The following CORIN variants were observed in gnomAD, a reference collection of about 807,000 sequenced individuals.
The protein encoded by CORIN is corin, serine peptidase, also known as atrial natriuretic peptide-converting enzyme.
CORIN carries 117 observed loss-of-function variants against 125.3 expected under a neutral mutation model. That is an observed-to-expected ratio of 0.93 (90% CI 0.80 to 1.09). The LOEUF is 1.09. CORIN is among the 50% of genes least tolerant of loss of function. The pLI, the probability that CORIN is intolerant of heterozygous loss-of-function variation, is 0.00. For synonymous variants in CORIN, 450 were observed against 466.4 expected (o/e 0.96, Z 0.45); for missense variants, 1,253 against 1,306.7 (o/e 0.96, Z 0.63).
At chr4:47,739,796 A>C (rs1728305924) in intron 5 of CORIN, among the ~76,000 whole-genome samples, 2 of 151,990 alleles carry the variant, frequency 1.3e-5, no homozygotes, top group South Asian at 4.1e-4. Flanking sequence ...AATGGTACAA[A>C]GAAGGAAAAA....
intron 5 of CORIN, among the ~76,000 whole-genome samples, chr4:47,726,013 T>C (rs1253856884): frequency 1.3e-5 from 2 of 152,058 alleles, no homozygotes; most frequent in Admixed American, 1.3e-4. Flanking sequence ...TTAAAAGATA[T>C]TCATCATTAG....
At chr4:47,678,918 C>T (rs1725142182) in intron 8 of CORIN, among the ~76,000 whole-genome samples, 1 of 152,216 alleles carries the variant, frequency 6.6e-6, no homozygotes. Context: ...ACTCGGAGGA[C>T]ATCCCACTTC....
At chr4:47,819,003 T>G (rs1732391787) in intron 1 of CORIN, among the ~76,000 whole-genome samples, 2 of 152,160 alleles carry the variant, frequency 1.3e-5, no homozygotes, top group African/African-American at 4.8e-5. Context: ...GTATCAAGTT[T>G]CAGCCTGACA....
intron 13 of CORIN, 122 bp from the exon 14 acceptor site, chr4:47,645,316 C>A: frequency 1.7e-6 from 1 of 571,736 alleles, no homozygotes; most frequent in Admixed American, 3.0e-5. Context: ...TGGCTCATGC[C>A]TGTAATCCCA....
At chr4:47,625,494 C>T (rs1722518302) in intron 17 of CORIN, among the ~76,000 whole-genome samples, 1 of 151,984 alleles carries the variant, frequency 6.6e-6, no homozygotes, top group Non-Finnish European at 1.5e-5. Context: ...AAACAAATCA[C>T]TTGGTTAAAA....
chr4:47,817,616 C>T (rs1470876932), intron 1 of CORIN, among the ~76,000 whole-genome samples: 1 of 152,178 alleles, frequency 6.6e-6, no homozygotes, highest in Non-Finnish European at 1.5e-5. Flanking sequence ...TTCTTTGGTT[C>T]TCAAGAAGTA....
chr4:47,813,295 G>C (rs900114231), intron 1 of CORIN, among the ~76,000 whole-genome samples: 2 of 152,194 alleles, frequency 1.3e-5, no homozygotes, highest in African/African-American at 4.8e-5. Flanking sequence ...CAGCAACCTG[G>C]AATACAACAG....
At position 47,672,636 on chromosome 4, in the gene CORIN, A is replaced by G. The variant is rs535558903; in HGVS notation, c.1357+1757T>C. On this transcript the variant is annotated intron_variant, in intron 10 of 21. Coordinates refer to ENST00000273857, the MANE Select transcript of CORIN (RefSeq NM_006587.4). ...ATGTTATACGTGTGTGTGTGTGTGT[A>G]TATATATACACACATATATACACAT... Among the ~76,000 whole-genome samples the G allele has an allele frequency of 3.4e-4, 52 of 152,086 alleles. No individual in the cohort carries two copies. In the East Asian group the frequency reaches 5.4e-3, roughly 16 times the overall value.
At chr4:47,794,083 G>T (rs1731190204) in intron 2 of CORIN, among the ~76,000 whole-genome samples, 1 of 152,144 alleles carries the variant, frequency 6.6e-6, no homozygotes, top group South Asian at 2.1e-4. Context: ...TTTATTCAAA[G>T]AATTTGAAGT....
intron 21 of CORIN, among the ~76,000 whole-genome samples, chr4:47,598,067 AT>A (rs1457006324): frequency 6.6e-6 from 1 of 152,182 alleles, no homozygotes; most frequent in Non-Finnish European, 1.5e-5. Flanking sequence ...AAAGCAAGCA[AT>A]TAAAAATGAA....
Position 47,595,658 on chromosome 4 carries a change from T to G in CORIN, c.*63A>C, listed in dbSNP as rs1721221794. On this transcript the variant is annotated 3_prime_UTR_variant, in exon 22 of 22. Coordinates refer to ENST00000273857, the MANE Select transcript of CORIN (RefSeq NM_006587.4). ...TGTACAGCTCTCTGCAGGCAGCTCTTCACAGTCAAGAAGGCCATTTTCTTT... is the reference window on the plus strand; with the variant it reads ...TGTACAGCTCTCTGCAGGCAGCTCTGCACAGTCAAGAAGGCCATTTTCTTT... 2 of 1,368,940 alleles carry G rather than the reference T, an allele frequency of 1.5e-6. No homozygotes were observed. The highest frequency in any genetic ancestry group is 2.9e-5 in the South Asian group (2 of 69,198). 84.8% of individuals were successfully genotyped at this position (1,368,940 alleles called of 1,614,324 possible).
chr4:47,723,646 G>T (rs1727452403), intron 5 of CORIN, among the ~76,000 whole-genome samples: 1 of 152,098 alleles, frequency 6.6e-6, no homozygotes, highest in Non-Finnish European at 1.5e-5. Context: ...ACAGGACCCA[G>T]AATATCATAA....
Position 47,740,683 on chromosome 4 carries a change from T to C in CORIN, c.799+3719A>G, listed in dbSNP as rs191843779. Among the ~76,000 whole-genome samples, 5 of 152,044 alleles carry C rather than the reference T, an allele frequency of 3.3e-5. No individual in the cohort carries two copies. In the East Asian group the frequency reaches 7.7e-4, roughly 23 times the overall value. ...AAGGGACCCAGGATAGCTAAAGTAATCCTTAAAAAGTTAAAGTATGCACAC... is the reference window on the plus strand; with the variant it reads ...AAGGGACCCAGGATAGCTAAAGTAACCCTTAAAAAGTTAAAGTATGCACAC... On this transcript the variant is annotated intron_variant, in intron 5 of 21. Coordinates refer to ENST00000273857, the MANE Select transcript of CORIN (RefSeq NM_006587.4).
rs147437978 is a variant in CORIN, at chr4:47,811,869, G to A, written c.64-4822C>T. ...GCTGCTACTACAACAACATTGAGTA[G>A]TTGCAACAGAGATCATATGGTACTC... On this transcript the variant is annotated intron_variant, in intron 1 of 21. Coordinates refer to ENST00000273857, the MANE Select transcript of CORIN (RefSeq NM_006587.4). Among the ~76,000 whole-genome samples, 866 of 152,266 alleles carry A rather than the reference G, an allele frequency of 5.7e-3. 8 individuals are homozygous for A. Among genetic ancestry groups the A allele is most frequent in the African/African-American group, 0.019 (810 of 41,544 alleles).
chr4:47,748,031 A>T (rs1000679816), intron 4 of CORIN, among the ~76,000 whole-genome samples: 6 of 152,220 alleles, frequency 3.9e-5, no homozygotes, highest in African/African-American at 1.4e-4. Context: ...ATAGGGCCTA[A>T]GAAAAATGTC....
At chr4:47,699,696 G>T (rs1377652330) in intron 5 of CORIN, among the ~76,000 whole-genome samples, 2 of 152,176 alleles carry the variant, frequency 1.3e-5, no homozygotes, top group Non-Finnish European at 2.9e-5. Context: ...CAATGGCAAT[G>T]AATATCTTAC....
At chr4:47,790,403 T>A (rs2109924831) in intron 2 of CORIN, 1 of 153,062 alleles carries the variant, frequency 6.5e-6, no homozygotes. Context: ...ACTCAACTTG[T>A]GAGGCAGGAA....
intron 1 of CORIN, among the ~76,000 whole-genome samples, chr4:47,812,498 C>T (rs941247794): frequency 6.6e-6 from 1 of 152,034 alleles, no homozygotes; most frequent in Non-Finnish European, 1.5e-5. Flanking sequence ...GAACGAGACC[C>T]TGGGTCCAAT....
chr4:47,643,260 G>A lies in CORIN; in HGVS notation c.1958-4C>T, dbSNP rs55821538. 0.022 allele frequency: 35,089 copies of A among 1,588,648 alleles called. 509 individuals carry two copies. The highest frequency in any genetic ancestry group is 0.027 in the Non-Finnish European group (31,007 of 1,166,976). ...AGCTCATCATCTTGGCAAAATGCTG[G>A]CATGGGGAACAAAAAGTGAGAAGGA... On this transcript the variant is annotated splice_region_variant and splice_polypyrimidine_tract_variant and intron_variant, in intron 14 of 21. Coordinates refer to ENST00000273857, the MANE Select transcript of CORIN (RefSeq NM_006587.4).
Sources: gnomAD v4.1 joint callset for allele counts (sites outside exome capture counted in the v4.1 genomes callset) on GRCh38, gnomAD v4.1.1 for gene constraint, MANE v1.5 for transcripts, NCBI Gene and HGNC (gene_info 2026-07-23, HGNC 2026-07-21) for gene names.